Variants in GABRB3 observed in about 807,000 individuals in gnomAD.
The protein encoded by GABRB3 is gamma-aminobutyric acid type A receptor subunit beta3, also known as gamma-aminobutyric acid receptor subunit beta-3.
A neutral mutation model predicts 52.1 loss-of-function variants in GABRB3; 14 were observed. The ratio of observed to expected loss-of-function variants is 0.27; its 90% CI spans 0.18 to 0.42. GABRB3 has a LOEUF of 0.42. GABRB3 is among the 10% of genes least tolerant of loss of function. GABRB3 has a pLI of 1.00. For synonymous variants in GABRB3, 260 were observed against 232.3 expected (o/e 1.12, Z -1.08); for missense variants, 307 against 609.1 (o/e 0.50, Z 5.22).
chr15:26,766,068 G>A lies in GABRB3; in HGVS notation c.240+6334C>T, dbSNP rs564886666. On this transcript the variant is annotated intron_variant, in intron 3 of 8. Transcript: ENST00000311550. ...GATGGGTCAAGTTTGATAATCAAAT[G>A]TGACATAATACCTGAAGCATTTTAT... 2.0e-4 allele frequency among the ~76,000 whole-genome samples: 31 copies of A among 152,320 alleles called. No individual in the cohort carries two copies. The South Asian group carries it at 2.7e-3, about 13-fold the overall frequency.
intron 6 of GABRB3, among the ~76,000 whole-genome samples, chr15:26,574,915 AG>A (rs1890540806): frequency 6.6e-6 from 1 of 152,244 alleles, no homozygotes; most frequent in African/African-American, 2.4e-5. Context: ...ATCCATTATA[AG>A]GAAAAAAAAT....
chr15:26,704,419 T>C (rs1006689435), intron 3 of GABRB3, among the ~76,000 whole-genome samples: 1 of 152,224 alleles, frequency 6.6e-6, no homozygotes, highest in African/African-American at 2.4e-5. Context: ...TTGATGTATA[T>C]AGCCCCTGGC....
At chr15:26,569,733 C>T (rs533210845) in intron 6 of GABRB3, among the ~76,000 whole-genome samples, 18 of 152,274 alleles carry the variant, frequency 1.2e-4, no homozygotes, top group South Asian at 2.1e-4. Flanking sequence ...CAATGTATGC[C>T]GCTGCCACTA....
chr15:26,597,497 C>T (rs550586210), intron 4 of GABRB3, among the ~76,000 whole-genome samples: 6 of 152,226 alleles, frequency 3.9e-5, no homozygotes, highest in East Asian at 1.9e-4. Context: ...TTTCAGATTA[C>T]GAAGAATGCA....
intron 3 of GABRB3, among the ~76,000 whole-genome samples, chr15:26,657,928 A>G (rs1290159009): frequency 6.6e-6 from 1 of 152,176 alleles, no homozygotes; most frequent in Non-Finnish European, 1.5e-5. Flanking sequence ...TTACTTGGAG[A>G]CCAGACTGCC....
chr15:26,679,411 G>A (rs768856185), intron 3 of GABRB3, among the ~76,000 whole-genome samples: 24 of 152,024 alleles, frequency 1.6e-4, no homozygotes, highest in Non-Finnish European at 3.1e-4. Context: ...TCGCACATAC[G>A]TACTAGCATT....
chr15:26,683,085 C>G (rs1294271143), intron 3 of GABRB3, among the ~76,000 whole-genome samples: 1 of 143,936 alleles, frequency 6.9e-6, no homozygotes, highest in Non-Finnish European at 1.6e-5. Flanking sequence ...CCAGGCCAGC[C>G]AGGTGAGAGC....
intron 3 of GABRB3, among the ~76,000 whole-genome samples, chr15:26,633,702 A>T (rs552474612): frequency 5.7e-4 from 87 of 152,264 alleles, no homozygotes; most frequent in Admixed American, 1.0e-3. Flanking sequence ...CCAAAGCCCC[A>T]CGTCTATCAC....
chr15:26,614,262 A>C (rs1018939660), intron 4 of GABRB3: 4 of 152,216 alleles, frequency 2.6e-5, no homozygotes, highest in African/African-American at 7.2e-5. Flanking sequence ...AACCTCATTA[A>C]ATCCAAGTGA....
At chr15:26,705,385 T>C (rs1431547464) in intron 3 of GABRB3, among the ~76,000 whole-genome samples, 1 of 152,112 alleles carries the variant, frequency 6.6e-6, no homozygotes, top group Non-Finnish European at 1.5e-5. Context: ...AAGGAAACAT[T>C]CAAACCACAG....
At chr15:26,751,736 A>G (rs953093555) in intron 3 of GABRB3, among the ~76,000 whole-genome samples, 4 of 152,154 alleles carry the variant, frequency 2.6e-5, no homozygotes, top group African/African-American at 9.7e-5. Flanking sequence ...TGGTCCAAGC[A>G]TAAATCATGC....
At chr15:26,705,479 T>A (rs1889069724) in intron 3 of GABRB3, among the ~76,000 whole-genome samples, 1 of 152,172 alleles carries the variant, frequency 6.6e-6, no homozygotes, top group Non-Finnish European at 1.5e-5. Context: ...CATCAACAGA[T>A]GAATGATAAC....
chr15:26,623,965 C>T (rs1313527187), intron 3 of GABRB3, among the ~76,000 whole-genome samples: 2 of 152,140 alleles, frequency 1.3e-5, no homozygotes, highest in African/African-American at 2.4e-5. Context: ...GTCGGCCTTG[C>T]CTGACCTAAA....
intron 4 of GABRB3, among the ~76,000 whole-genome samples, chr15:26,606,747 A>AT (rs1891810932): frequency 1.7e-5 from 1 of 60,486 alleles, no homozygotes; most frequent in Non-Finnish European, 4.4e-5. Context: ...TCTGTCATAT[A>AT]TATCATACAT....
chr15:26,655,869 C>T (rs138367344), intron 3 of GABRB3, among the ~76,000 whole-genome samples: 5 of 152,178 alleles, frequency 3.3e-5, no homozygotes, highest in East Asian at 3.9e-4. Context: ...AAAGAGAAAG[C>T]TCATTATTGT....
chr15:26,589,894 G>A (rs1263893265), intron 4 of GABRB3, among the ~76,000 whole-genome samples: 1 of 152,168 alleles, frequency 6.6e-6, no homozygotes, highest in African/African-American at 2.4e-5. Context: ...GCAAAATGTG[G>A]AAAGAGAAGG....
Position 26,548,116 on chromosome 15 carries a change from T to C in GABRB3, c.1099A>G (p.Ile367Val). The change falls in exon 9 of 9, where the codon ATT becomes GTT. Residue 367 changes from isoleucine (I) to valine (V), a missense_variant. This residue lies in a region of GABRB3 where 115 missense variants were observed against 166.9 expected (regional missense o/e 0.69). Transcript: ENST00000311550. ...ESNRVDAHGN[I>V]LLTSLEVHNE... ...TGAACTTCCAGCGATGTCAACAGAA[T>C]ATTTCCATGAGCATCCACCTAATTG... 3 of 1,614,148 alleles carry C rather than the reference T, an allele frequency of 1.9e-6. No homozygotes were observed. Among genetic ancestry groups the C allele is most frequent in the Non-Finnish European group, 2.5e-6 (3 of 1,180,002 alleles).
At chr15:26,641,799 G>C (rs1181336132) in intron 3 of GABRB3, among the ~76,000 whole-genome samples, 4 of 152,136 alleles carry the variant, frequency 2.6e-5, no homozygotes, top group African/African-American at 4.8e-5. Context: ...CAGGAATAAA[G>C]AACAGGGAAA....
intron 7 of GABRB3, among the ~76,000 whole-genome samples, chr15:26,565,114 T>C (rs892895319): frequency 1.3e-5 from 2 of 152,222 alleles, no homozygotes; most frequent in Non-Finnish European, 2.9e-5. Context: ...TAGCAGAGAA[T>C]GTGGCACCTA....
Sources: gnomAD v4.1 joint callset for allele counts (sites outside exome capture counted in the v4.1 genomes callset) on GRCh38, gnomAD v4.1.1 for gene constraint, gnomAD v4.1.1 regional missense constraint, MANE v1.5 for transcripts, NCBI Gene and HGNC (gene_info 2026-07-23, HGNC 2026-07-21) for gene names.